Variants in LMO7 observed in about 807,000 individuals in gnomAD.
LMO7 encodes LIM domain 7.
A neutral mutation model predicts 206.5 loss-of-function variants in LMO7; 120 were observed. The ratio of observed to expected loss-of-function variants is 0.58; its 90% confidence interval spans 0.50 to 0.68. LMO7 has a LOEUF of 0.68. Ranked by LOEUF, LMO7 falls within the 30% of genes least tolerant of loss-of-function variation. The probability of loss-of-function intolerance (pLI) is 0.00; values close to 1 mark genes in which losing one functional copy is unlikely to be tolerated. For missense variants in LMO7, 1,959 were observed against 1,957.9 expected (o/e 1.00, Z -0.01); for synonymous variants, 706 against 681.5 (o/e 1.04, Z -0.56).
In LMO7 at chr13:75,750,377, C is replaced by CTT. The variant is rs34407423; in HGVS notation, c.211-10534_211-10533dup. On this transcript the variant is annotated intron_variant, in intron 3 of 30. Coordinates refer to ENST00000377534, the MANE Select transcript of LMO7 (RefSeq NM_001306080.2). ...AAAAATTCAGTTCACCTGGGGGATC[C>CTT]TTTTTTTTTTTTTTTTTTTTTTCCT... Among the ~76,000 whole-genome samples the CTT allele has an allele frequency of 2.0e-3, 183 of 93,346 alleles. 1 individual carries two copies. The highest frequency in any genetic ancestry group is 6.3e-3 in the East Asian group (20 of 3,174). 61.2% of individuals were successfully genotyped at this position (93,346 alleles called of 152,430 possible). A position where few individuals can be genotyped will look rare whatever the true frequency, so the allele number is the denominator to read the frequency against.
chr13:75,677,920 G>A (rs2040159982), intron 1 of LMO7, among the ~76,000 whole-genome samples: 5 of 150,752 alleles, frequency 3.3e-5, no homozygotes, highest in Non-Finnish European at 7.4e-5. Flanking sequence ...GCGATAGTTT[G>A]CTGAGAATGA....
intron 4 of LMO7, among the ~76,000 whole-genome samples, chr13:75,764,471 C>T (rs1343996125): frequency 1.3e-5 from 2 of 152,028 alleles, no homozygotes; most frequent in South Asian, 2.1e-4. Context: ...CTCTGGCAAG[C>T]GTCATGGTCT....
At chr13:75,749,046 A>G (rs886513197) in intron 3 of LMO7, among the ~76,000 whole-genome samples, 1 of 152,078 alleles carries the variant, frequency 6.6e-6, no homozygotes, top group Admixed American at 6.5e-5. Flanking sequence ...GGCTCAAGCA[A>G]TACTCCTGCC....
At chr13:75,800,927 G>T in intron 7 of LMO7, 45 bp downstream of exon 7, 2 of 1,560,952 alleles carry the variant, frequency 1.3e-6, no homozygotes, top group South Asian at 2.2e-5. Context: ...ACATATTAAG[G>T]GAGAACTGGG....
intron 1 of LMO7, among the ~76,000 whole-genome samples, chr13:75,659,727 C>A (rs1275463798): frequency 6.6e-6 from 1 of 152,144 alleles, no homozygotes; most frequent in East Asian, 1.9e-4. Context: ...AACCATATCA[C>A]CTGCTTTCTT....
At chr13:75,819,602 T>C (rs766299710) in intron 13 of LMO7, 67 bp downstream of exon 13, 1 of 1,399,988 alleles carries the variant, frequency 7.1e-7, no homozygotes, top group Non-Finnish European at 9.4e-7. Flanking sequence ...ATAGATATTT[T>C]ATGTAAGTGT....
intron 2 of LMO7, among the ~76,000 whole-genome samples, chr13:75,717,543 A>G (rs980210415): frequency 6.6e-6 from 1 of 151,668 alleles, no homozygotes; most frequent in African/African-American, 2.4e-5. Context: ...TACTGTAATA[A>G]TTTATTAAAG....
intron 25 of LMO7, among the ~76,000 whole-genome samples, chr13:75,844,446 G>T (rs1163683309): frequency 1.1e-4 from 16 of 145,612 alleles, no homozygotes; most frequent in Non-Finnish European, 1.5e-5. Flanking sequence ...GTCTCGCTCT[G>T]TCGCCCAGGC....
Position 75,700,898 on chromosome 13 carries a change from CTG to C in LMO7, c.70-12281_70-12280del, listed in dbSNP as rs139481412. Among the ~76,000 whole-genome samples the C allele has an allele frequency of 4.9e-3, 744 of 152,280 alleles. 8 individuals are homozygous for C. The highest frequency in any genetic ancestry group is 0.017 in the African/African-American group (697 of 41,570). Reference sequence around the variant, plus strand: ...TTTAATATTTCTGGACTGTGGTTGACTGTGGGTAACTGCAACTACAGAAAGTG... The same window carrying C: ...TTTAATATTTCTGGACTGTGGTTGACTGGGTAACTGCAACTACAGAAAGTG... On this transcript the variant is annotated intron_variant, in intron 1 of 30. Coordinates refer to ENST00000377534, the MANE Select transcript of LMO7 (RefSeq NM_001306080.2).
At position 75,684,112 on chromosome 13, in the gene LMO7, T is replaced by A. The variant is rs569296249; in HGVS notation, c.70-29070T>A. 3.9e-5 allele frequency among the ~76,000 whole-genome samples: 6 copies of A among 152,302 alleles called. No individual in the cohort carries two copies. The South Asian group carries it at 1.2e-3, about 32-fold the overall frequency. On this transcript the variant is annotated intron_variant, in intron 1 of 30. Transcript: ENST00000377534. ...CTTATCCTGAACTCGTTTTTCAGGT[T>A]AACTTTGCAATGCCCTTGGCTGAGG... is the stretch of plus-strand genomic sequence containing the variant.
At chr13:75,698,810 C>G (rs2042077730) in intron 1 of LMO7, among the ~76,000 whole-genome samples, 1 of 151,954 alleles carries the variant, frequency 6.6e-6, no homozygotes, top group African/African-American at 2.4e-5. Flanking sequence ...TTTAAAAAAA[C>G]ATTTATTGAG....
At chr13:75,805,974 C>A in intron 9 of LMO7, 1 of 1,109,454 alleles carries the variant, frequency 9.0e-7, no homozygotes, top group Non-Finnish European at 1.2e-6. Flanking sequence ...ATAGTCATAG[C>A]ACGGCATTAT....
At chr13:75,739,630 T>C (rs1940160922) in intron 3 of LMO7, among the ~76,000 whole-genome samples, 2 of 152,234 alleles carry the variant, frequency 1.3e-5, no homozygotes. Flanking sequence ...CTTTCATCTT[T>C]ACTCTCCTAC....
intron 19 of LMO7, among the ~76,000 whole-genome samples, 165 bp from the exon 20 acceptor site, chr13:75,837,975 T>C (rs1425512856): frequency 1.3e-5 from 2 of 152,224 alleles, no homozygotes; most frequent in Non-Finnish European, 2.9e-5. Context: ...ACTAAAATTG[T>C]GTGTCCCTGT....
Position 75,858,809 on chromosome 13 carries a change from G to C in LMO7, c.*866G>C, listed in dbSNP as rs2061142140. The C allele has an allele frequency of 1.3e-5, 2 of 152,286 alleles. No individual in the cohort carries two copies. The allele number at this position is 152,286 out of a possible 1,614,324, so 9.4% of individuals were successfully genotyped here. A position where few individuals can be genotyped will look rare whatever the true frequency, so the allele number is the denominator to read the frequency against. On this transcript the variant is annotated 3_prime_UTR_variant, in exon 31 of 31. Transcript: ENST00000377534. Reference sequence around the variant, plus strand: ...TAAGGTATAATTGATGTAATAAACTGCATATATTTAAAGTGTATACTTTGA... The same window carrying C: ...TAAGGTATAATTGATGTAATAAACTCCATATATTTAAAGTGTATACTTTGA...
intron 6 of LMO7, among the ~76,000 whole-genome samples, chr13:75,799,016 C>T (rs549882883): frequency 3.9e-4 from 60 of 152,358 alleles, no homozygotes; most frequent in Middle Eastern, 6.8e-3. Flanking sequence ...ATTTTGGCAG[C>T]ACCAGCGCTA....
chr13:75,762,031 C>A (rs1209323440), intron 4 of LMO7, among the ~76,000 whole-genome samples: 1 of 152,042 alleles, frequency 6.6e-6, no homozygotes, highest in African/African-American at 2.4e-5. Flanking sequence ...ATGTAAGTAT[C>A]TTTGATAGTA....
chr13:75,740,764 A>G (rs892926979), intron 3 of LMO7, among the ~76,000 whole-genome samples: 2 of 152,180 alleles, frequency 1.3e-5, no homozygotes, highest in African/African-American at 4.8e-5. Context: ...CATGACCTCC[A>G]TCATCAGATG....
At chr13:75,790,909 G>C (rs2053185379) in intron 4 of LMO7, among the ~76,000 whole-genome samples, 1 of 151,842 alleles carries the variant, frequency 6.6e-6, no homozygotes, top group Non-Finnish European at 1.5e-5. Context: ...TATGATCCAA[G>C]TATAGAGTAA....
Sources: allele counts gnomAD v4.1 joint callset (sites outside exome capture counted in the v4.1 genomes callset), GRCh38; gene constraint gnomAD v4.1.1; transcripts MANE v1.5; gene names NCBI Gene and HGNC (gene_info 2026-07-23, HGNC 2026-07-21).